Variants in NTF3 observed in about 807,000 individuals in gnomAD.
NTF3 encodes the protein neurotrophin 3.
In NTF3, 8 loss-of-function variants were observed where a neutral mutation model predicts 26.3. The ratio of observed to expected loss-of-function variants is 0.30; its 90% CI spans 0.18 to 0.55. The LOEUF is 0.55. Ranked by LOEUF, NTF3 falls within the 20% of genes least tolerant of loss-of-function variation. The pLI, the probability that NTF3 is intolerant of heterozygous loss-of-function variation, is 0.93. For missense variants in NTF3, 276 were observed against 352.9 expected (o/e 0.78, Z 1.75); for synonymous variants, 154 against 145.5 (o/e 1.06, Z -0.42).
chr12:5,430,552 G>A (rs1940071649), upstream of NTF3, among the ~76,000 whole-genome samples: 1 of 151,598 alleles, frequency 6.6e-6, no homozygotes, highest in African/African-American at 2.4e-5. Flanking sequence ...TGATGAGGCA[G>A]GTACAATCTA....
intron 1 of NTF3, among the ~76,000 whole-genome samples, chr12:5,480,704 G>T (rs968522529): frequency 2.0e-5 from 3 of 151,702 alleles, no homozygotes; most frequent in Admixed American, 6.6e-5. Context: ...CACGGAGGAG[G>T]TGACCAGAAA....
chr12:5,434,471 A>AAG (rs1940140851), intron 1 of NTF3, among the ~76,000 whole-genome samples: 1 of 101,238 alleles, frequency 9.9e-6, no homozygotes, highest in Non-Finnish European at 2.0e-5. Flanking sequence ...TGTTTTTCCA[A>AAG]AGTGTGTGTG....
chr12:5,490,698 C>T (rs1017892683), intron 1 of NTF3, among the ~76,000 whole-genome samples: 5 of 152,184 alleles, frequency 3.3e-5, no homozygotes, highest in African/African-American at 7.2e-5. Flanking sequence ...CTCCCTTGCC[C>T]GTGTTTGCTT....
At chr12:5,437,194 C>A (rs146645375) in intron 1 of NTF3, among the ~76,000 whole-genome samples, 55 of 152,338 alleles carry the variant, frequency 3.6e-4, no homozygotes, top group African/African-American at 1.2e-3. Context: ...ATGCTGTCAA[C>A]TCCTGGCTCA....
At chr12:5,481,972 G>A (rs913156063) in intron 1 of NTF3, among the ~76,000 whole-genome samples, 9 of 151,160 alleles carry the variant, frequency 6.0e-5, no homozygotes, top group African/African-American at 1.9e-4. Context: ...CACACACAGA[G>A]AAACAGACAC....
intron 1 of NTF3, among the ~76,000 whole-genome samples, chr12:5,474,199 T>C (rs1242429677): frequency 6.6e-6 from 1 of 152,184 alleles, no homozygotes; most frequent in Non-Finnish European, 1.5e-5. Flanking sequence ...TTTTATGGAG[T>C]ACCTACCATG....
At chr12:5,471,004 T>C (rs1940658452) in intron 1 of NTF3, among the ~76,000 whole-genome samples, 1 of 151,450 alleles carries the variant, frequency 6.6e-6, no homozygotes, top group African/African-American at 2.4e-5. Flanking sequence ...CTTTTGGCAA[T>C]GCAAGTTTCC....
chr12:5,476,477 C>T (rs1267795618), intron 1 of NTF3, among the ~76,000 whole-genome samples: 1 of 152,158 alleles, frequency 6.6e-6, no homozygotes, highest in East Asian at 1.9e-4. Context: ...TTGCTGGGCA[C>T]CAAGTAGTTC....
In NTF3 at chr12:5,452,255, C is replaced by T. The variant is rs945393712; in HGVS notation, c.18+19913C>T. Reference sequence around the variant, plus strand: ...GGACTACAGGCGCCCGCCACCACGCCCAGCTAATTTTTGTATTTTTAGTAG... The same window carrying T: ...GGACTACAGGCGCCCGCCACCACGCTCAGCTAATTTTTGTATTTTTAGTAG... On this transcript the variant is annotated intron_variant, in intron 1 of 1. Coordinates refer to ENST00000423158, the MANE Select transcript of NTF3 (RefSeq NM_001102654.2). Among the ~76,000 whole-genome samples, 5 of 152,104 alleles carry T rather than the reference C, an allele frequency of 3.3e-5. No individual in the cohort carries two copies. The East Asian group carries it at 5.8e-4, about 18-fold the overall frequency.
At chr12:5,446,092 C>T (rs763150109) in intron 1 of NTF3, among the ~76,000 whole-genome samples, 4 of 152,094 alleles carry the variant, frequency 2.6e-5, no homozygotes, top group Non-Finnish European at 5.9e-5. Context: ...ATCGTAGTTC[C>T]CCTGACAGCT....
In NTF3 at chr12:5,494,906, A is replaced by G. The variant is rs781659031; in HGVS notation, c.731A>G (p.Asn244Ser). 2.5e-6 allele frequency: 4 copies of G among 1,614,170 alleles called. No homozygotes were observed. Among genetic ancestry groups the G allele is most frequent in the South Asian group, 1.1e-5 (1 of 91,072 alleles). ...TACGTCCGAGCACTGACTTCAGAGA[A>G]CAATAAACTCGTGGGCTGGCGGTGG... ...QTYVRALTSE[N>S]NKLVGWRWIR... Residue 244 changes from asparagine (N) to serine (S), a missense_variant, in exon 2 of 2, where the codon AAC becomes AGC. By Grantham distance (46) the Asn-to-Ser change is conservative. Coordinates refer to ENST00000423158, the MANE Select transcript of NTF3 (RefSeq NM_001102654.2). The surrounding 1 kb of genome is among the most constrained non-coding windows in gnomAD (Gnocchi z 8.3).
chr12:5,455,639 C>T (rs536262566), intron 1 of NTF3, among the ~76,000 whole-genome samples: 1 of 152,184 alleles, frequency 6.6e-6, no homozygotes, highest in South Asian at 2.1e-4. Context: ...CAGGATAGCC[C>T]ACCTGCACCC....
intron 1 of NTF3, among the ~76,000 whole-genome samples, chr12:5,443,751 T>C (rs1008908991): frequency 2.0e-5 from 3 of 152,212 alleles, no homozygotes; most frequent in Non-Finnish European, 4.4e-5. Context: ...GCTCTTTTAC[T>C]CCTTGTCTCT....
At chr12:5,435,452 C>A (rs1369685419) in intron 1 of NTF3, among the ~76,000 whole-genome samples, 1 of 152,148 alleles carries the variant, frequency 6.6e-6, no homozygotes, top group Non-Finnish European at 1.5e-5. Context: ...GTTTATGGAT[C>A]TTGGGGGCCA....
intron 1 of NTF3, among the ~76,000 whole-genome samples, chr12:5,484,002 A>G (rs147668955): frequency 1.4e-3 from 207 of 152,314 alleles, no homozygotes; most frequent in African/African-American, 4.9e-3. Flanking sequence ...GGCTTCACAC[A>G]TAGTGTCAGA....
rs985470367 is a variant in NTF3 at position 5,433,935 on chromosome 12, C to G, written c.18+1593C>G. On this transcript the variant is annotated intron_variant, in intron 1 of 1. Coordinates refer to ENST00000423158, the MANE Select transcript of NTF3 (RefSeq NM_001102654.2). This position sits in a 1 kb window ranked among gnomAD's most constrained non-coding sequence, Gnocchi z 4.6. ...GTAACTCAGCTGATTATGGAGTGCA[C>G]TGAGCGACCTGCTTTTTAAATAAAG... Among the ~76,000 whole-genome samples, 16 of 152,186 alleles carry G rather than the reference C, an allele frequency of 1.1e-4. No individual in the cohort carries two copies. Among genetic ancestry groups the G allele is most frequent in the African/African-American group, 3.9e-4 (16 of 41,450 alleles).
chr12:5,474,988 C>T (rs1382446172), intron 1 of NTF3, among the ~76,000 whole-genome samples: 18 of 152,118 alleles, frequency 1.2e-4, no homozygotes, highest in African/African-American at 4.1e-4. Flanking sequence ...ATATAGCACC[C>T]TTGAGATTCC....
intron 1 of NTF3, among the ~76,000 whole-genome samples, chr12:5,450,612 G>A (rs145918772): frequency 2.0e-5 from 3 of 152,316 alleles, no homozygotes; most frequent in East Asian, 3.9e-4. Context: ...TAATGGTCAT[G>A]ATTAATAGTT....
intron 1 of NTF3, among the ~76,000 whole-genome samples, chr12:5,482,534 A>G (rs1940819691): frequency 6.6e-6 from 1 of 152,146 alleles, no homozygotes; most frequent in Admixed American, 6.5e-5. Context: ...TCTAATGTGA[A>G]TGGAAGTGCA....
Sources: allele counts gnomAD v4.1 joint callset (sites outside exome capture counted in the v4.1 genomes callset), GRCh38; gene constraint gnomAD v4.1.1; non-coding constraint Gnocchi (gnomAD v3.1); transcripts MANE v1.5; gene names NCBI Gene and HGNC (gene_info 2026-07-23, HGNC 2026-07-21).